The following GRM7 variants were observed in gnomAD, a reference collection of about 807,000 sequenced individuals.
The protein encoded by GRM7 is metabotropic glutamate receptor 7.
Under a neutral mutation model 84.5 loss-of-function variants are expected in GRM7, and 35 were observed. That is an observed-to-expected ratio of 0.41 (90% CI 0.32 to 0.55). GRM7 has a LOEUF of 0.55. Among genes scored for constraint, GRM7 ranks in the 20% least tolerant of loss-of-function variants. GRM7 has a pLI of 0.19. For missense variants in GRM7, 1,003 were observed against 1,194.6 expected (o/e 0.84, Z 2.36); for synonymous variants, 487 against 455.1 (o/e 1.07, Z -0.89).
chr3:7,012,100 T>C (rs1390692907), intron 1 of GRM7, among the ~76,000 whole-genome samples: 1 of 152,174 alleles, frequency 6.6e-6, no homozygotes, highest in Non-Finnish European at 1.5e-5. Flanking sequence ...CCCTGACTCT[T>C]GGTTTTCTAG....
chr3:7,058,961 G>C (rs1334162657), intron 1 of GRM7, among the ~76,000 whole-genome samples: 2 of 151,912 alleles, frequency 1.3e-5, no homozygotes, highest in East Asian at 3.9e-4. Context: ...GCTTGGACTA[G>C]TATAAGCATG....
intron 8 of GRM7, among the ~76,000 whole-genome samples, chr3:7,592,418 A>G (rs986921547): frequency 3.3e-5 from 5 of 152,186 alleles, no homozygotes; most frequent in African/African-American, 1.2e-4. Context: ...TTCTGGGTAG[A>G]GAGACCAGCA....
chr3:6,962,899 A>C (rs769291597), intron 1 of GRM7, among the ~76,000 whole-genome samples: 2 of 152,252 alleles, frequency 1.3e-5, no homozygotes, highest in Non-Finnish European at 2.9e-5. Flanking sequence ...GTTACATTTC[A>C]AGTTTTAAGC....
At chr3:7,607,513 G>C (rs904763034) in intron 8 of GRM7, 2 of 151,820 alleles carry the variant, frequency 1.3e-5, no homozygotes, top group Non-Finnish European at 2.9e-5. Context: ...TCTTGGCCTT[G>C]GAAAAAACAT....
intron 7 of GRM7, among the ~76,000 whole-genome samples, chr3:7,553,184 C>T (rs1242668407): frequency 6.6e-6 from 1 of 152,214 alleles, no homozygotes; most frequent in African/African-American, 2.4e-5. Context: ...CTCCCAGTCT[C>T]TTTGCTAAAG....
chr3:7,694,903 G>A (rs554454912), intron 9 of GRM7, among the ~76,000 whole-genome samples: 1 of 152,106 alleles, frequency 6.6e-6, no homozygotes, highest in East Asian at 1.9e-4. Flanking sequence ...GGCATCAAAA[G>A]GTCACCTGTA....
intron 4 of GRM7, among the ~76,000 whole-genome samples, chr3:7,377,838 A>G (rs1033401394): frequency 2.6e-4 from 40 of 152,214 alleles, no homozygotes; most frequent in African/African-American, 9.2e-4. Context: ...TCATGTATTT[A>G]GTCTTAAAGT....
intron 4 of GRM7, among the ~76,000 whole-genome samples, chr3:7,408,079 C>G (rs1275069494): frequency 6.6e-6 from 1 of 152,170 alleles, no homozygotes; most frequent in Non-Finnish European, 1.5e-5. Flanking sequence ...CCGGTTAGCT[C>G]ATTTGCTCAA....
chr3:6,861,910 AGGGATGCGCTCCCTCC>A lies in GRM7; in HGVS notation c.519+7_519+22del. On this transcript the variant is annotated splice_donor_5th_base_variant and intron_variant, in intron 1 of 9. Coordinates refer to ENST00000357716, the MANE Select transcript of GRM7 (RefSeq NM_000844.4). The surrounding 1 kb of genome is among the most constrained non-coding windows in gnomAD (Gnocchi z 6.4). ...CCAACATCCTGAGGCTCTTCCAGGT[AGGGATGCGCTCCCTCC>A]GGGGCGGAGCACACAGTGGCTACCT... The A allele has an allele frequency of 6.2e-7, 1 of 1,606,082 alleles. No individual in the cohort carries two copies. Among genetic ancestry groups the A allele is most frequent in the Non-Finnish European group, 8.5e-7 (1 of 1,174,464 alleles).
At chr3:7,669,402 G>C (rs1479910825) in intron 8 of GRM7, among the ~76,000 whole-genome samples, 1 of 152,144 alleles carries the variant, frequency 6.6e-6, no homozygotes. Flanking sequence ...AGGATGGATG[G>C]AGCATGGCTC....
intron 9 of GRM7, among the ~76,000 whole-genome samples, chr3:7,696,437 C>T (rs1486766041): frequency 6.6e-6 from 1 of 151,976 alleles, no homozygotes; most frequent in Non-Finnish European, 1.5e-5. Flanking sequence ...TACAGTAAGG[C>T]CCTGTATCTA....
At chr3:7,081,714 A>G (rs1224067290) in intron 1 of GRM7, among the ~76,000 whole-genome samples, 1 of 152,138 alleles carries the variant, frequency 6.6e-6, no homozygotes, top group Non-Finnish European at 1.5e-5. Flanking sequence ...ATGCAAAGGA[A>G]AAGTTATTGA....
intron 1 of GRM7, among the ~76,000 whole-genome samples, chr3:7,007,614 G>A (rs338088): frequency 1 from 151,560 of 152,290 alleles, 75,420 homozygotes; most frequent in Middle Eastern, 1. Flanking sequence ...GAAGTTCTCA[G>A]TTGCCAACTC....
At chr3:7,713,677 A>C (rs1294260356) in intron 9 of GRM7, among the ~76,000 whole-genome samples, 1 of 152,100 alleles carries the variant, frequency 6.6e-6, no homozygotes, top group Admixed American at 6.6e-5. Flanking sequence ...GTACCAAAAA[A>C]AATTATTTGA....
rs71066013 is a variant in GRM7, at chr3:7,460,099, T to TAAAAAAAAAA, written c.1376-1463_1376-1454dup. 1.2e-3 allele frequency among the ~76,000 whole-genome samples: 61 copies of TAAAAAAAAAA among 49,544 alleles called. 1 individual carries two copies. Among genetic ancestry groups the TAAAAAAAAAA allele is most frequent in the African/African-American group, 3.6e-3 (39 of 10,756 alleles). 32.5% of individuals were successfully genotyped at this position (49,544 alleles called of 152,430 possible). ...ACAGGGAAAAGTATGCTTAAAATAGTAAAAAAAAAAAAAAAAAAAAAAAAA... is the reference window on the plus strand; with the variant it reads ...ACAGGGAAAAGTATGCTTAAAATAGTAAAAAAAAAAAAAAAAAAAAAAAAAAAAAAAAAAA... On this transcript the variant is annotated intron_variant, in intron 6 of 9. Coordinates refer to ENST00000357716, the MANE Select transcript of GRM7 (RefSeq NM_000844.4).
At position 7,166,436 on chromosome 3, in the gene GRM7, A is replaced by C. The variant is rs181618788; in HGVS notation, c.736+19768A>C. Among the ~76,000 whole-genome samples the C allele has an allele frequency of 8.5e-5, 13 of 152,306 alleles. No homozygotes were observed. The East Asian group carries it at 2.5e-3, about 29-fold the overall frequency. On this transcript the variant is annotated intron_variant, in intron 2 of 9. Transcript: ENST00000357716. The stretch of plus-strand genomic sequence containing the variant: ...GTCCCAATAAGCTGATGAATGAATC[A>C]TCCACTTGTTAAAAGGAGATACTCT...
intron 7 of GRM7, among the ~76,000 whole-genome samples, chr3:7,497,394 A>C (rs907782098): frequency 1.3e-5 from 2 of 152,130 alleles, no homozygotes; most frequent in African/African-American, 4.8e-5. Flanking sequence ...CCCACCCATT[A>C]TGTTCCATGA....
intron 7 of GRM7, among the ~76,000 whole-genome samples, chr3:7,502,275 A>G (rs1414551378): frequency 6.6e-6 from 1 of 152,216 alleles, no homozygotes; most frequent in Non-Finnish European, 1.5e-5. Context: ...TTCCCTCAAC[A>G]TTATGTTCAT....
intron 2 of GRM7, among the ~76,000 whole-genome samples, chr3:7,205,398 G>A (rs776164812): frequency 2.6e-5 from 4 of 152,152 alleles, no homozygotes; most frequent in Non-Finnish European, 4.4e-5. Flanking sequence ...TCAGTCAACC[G>A]AGTAACATAG....
Sources: gnomAD v4.1 joint callset for allele counts (sites outside exome capture counted in the v4.1 genomes callset) on GRCh38, gnomAD v4.1.1 for gene constraint, Gnocchi (gnomAD v3.1) non-coding constraint, MANE v1.5 for transcripts, NCBI Gene and HGNC (gene_info 2026-07-23, HGNC 2026-07-21) for gene names.